Variants in KATNIP observed in about 807,000 individuals in gnomAD.
KATNIP encodes katanin interacting protein.
KATNIP carries 126 observed loss-of-function variants against 174.0 expected under a neutral mutation model. The observed-to-expected ratio is 0.72, with a 90% confidence interval of 0.63 to 0.84. The LOEUF is 0.84. Ranked by LOEUF, KATNIP falls within the 40% of genes least tolerant of loss-of-function variation. The pLI, the probability that KATNIP is intolerant of heterozygous loss-of-function variation, is 0.00. For synonymous variants in KATNIP, 810 were observed against 835.7 expected (o/e 0.97, Z 0.53); for missense variants, 1,958 against 2,109.7 (o/e 0.93, Z 1.41).
At chr16:27,741,625 G>A (rs183513561) in intron 15 of KATNIP, among the ~76,000 whole-genome samples, 30 of 151,620 alleles carry the variant, frequency 2.0e-4, no homozygotes, top group Non-Finnish European at 2.8e-4. Context: ...AGGCCAGGCC[G>A]GGCGCAATGG....
chr16:27,627,084 A>C (rs2076356680), intron 3 of KATNIP, among the ~76,000 whole-genome samples: 1 of 152,082 alleles, frequency 6.6e-6, no homozygotes, highest in Non-Finnish European at 1.5e-5. Flanking sequence ...ATTAAAACTG[A>C]TCTGTAACCC....
intron 6 of KATNIP, among the ~76,000 whole-genome samples, chr16:27,665,327 A>T (rs1471673283): frequency 1.3e-5 from 2 of 150,374 alleles, no homozygotes; most frequent in African/African-American, 2.4e-5. Context: ...CTAGTCTCGA[A>T]CTCCTGACCT....
Position 27,637,110 on chromosome 16 carries a change from C to G in KATNIP, c.408+5948C>G, listed in dbSNP as rs756316871. Among the ~76,000 whole-genome samples the G allele has an allele frequency of 1.2e-4, 19 of 152,156 alleles. No individual in the cohort carries two copies. Among genetic ancestry groups the G allele is most frequent in the Non-Finnish European group, 2.5e-4 (17 of 68,034 alleles). ...GGCAATTAATGAGGATCAGTGGGGT[C>G]TGTGTTTGGAGAGAAGCTGAAGCAG... On this transcript the variant is annotated intron_variant, in intron 5 of 27. Coordinates refer to ENST00000261588, the MANE Select transcript of KATNIP (RefSeq NM_015202.5). This position sits in a 1 kb window ranked among gnomAD's most constrained non-coding sequence, Gnocchi z 4.7.
chr16:27,741,038 C>T, intron 15 of KATNIP, 118 bp downstream of exon 15: 1 of 1,060,288 alleles, frequency 9.4e-7, no homozygotes. Flanking sequence ...TGGTTGTTCT[C>T]AACTAAGGGT....
intron 3 of KATNIP, among the ~76,000 whole-genome samples, chr16:27,619,003 C>T (rs1016082356): frequency 2.0e-5 from 3 of 152,166 alleles, no homozygotes; most frequent in African/African-American, 4.8e-5. Flanking sequence ...GCAGTAGGTC[C>T]AGTGTGTAGC....
At chr16:27,602,779 A>G (rs550273043) in intron 2 of KATNIP, among the ~76,000 whole-genome samples, 32 of 151,872 alleles carry the variant, frequency 2.1e-4, no homozygotes, top group African/African-American at 7.7e-4. Context: ...GCTCACTGCA[A>G]CCTCCTCCTC....
intron 15 of KATNIP, among the ~76,000 whole-genome samples, chr16:27,744,417 A>G (rs2081211635): frequency 1.3e-5 from 2 of 152,186 alleles, no homozygotes; most frequent in Non-Finnish European, 1.5e-5. Flanking sequence ...AGTCCCAGCT[A>G]TTCGGGAGGC....
At chr16:27,615,115 G>A (rs1159662625) in intron 2 of KATNIP, among the ~76,000 whole-genome samples, 2 of 152,096 alleles carry the variant, frequency 1.3e-5, no homozygotes, top group Non-Finnish European at 2.9e-5. Context: ...CAGATGCAGA[G>A]GAAGAGAATT....
intron 1 of KATNIP, among the ~76,000 whole-genome samples, chr16:27,570,698 C>T (rs894147012): frequency 6.6e-6 from 1 of 152,156 alleles, no homozygotes; most frequent in Non-Finnish European, 1.5e-5. Flanking sequence ...GGACATTGGG[C>T]TGGCGTCATC....
In KATNIP at chr16:27,552,686, GTTTTTTTTT is replaced by G. The variant is rs768836183; in HGVS notation, c.7+2525_7+2533del. On this transcript the variant is annotated intron_variant, in intron 1 of 27. Transcript: ENST00000261588. ...CACCATGCCTGGCCTGCAAGTGGCA[GTTTTTTTTT>G]TTTTTTTTTTTTTTTGAGACGGGAG... Among the ~76,000 whole-genome samples, 8 of 94,378 alleles carry G rather than the reference GTTTTTTTTT, an allele frequency of 8.5e-5. No homozygotes were observed. In the South Asian group the frequency reaches 2.6e-3, roughly 31 times the overall value. The allele number at this position is 94,378 out of a possible 152,430, so 61.9% of individuals were successfully genotyped here. A position where few individuals can be genotyped will look rare whatever the true frequency, so the allele number is the denominator to read the frequency against.
rs11440523 is a variant in KATNIP at position 27,663,152 on chromosome 16, C to CTTTT, written c.540+14438_540+14441dup. On this transcript the variant is annotated intron_variant, in intron 6 of 27. Coordinates refer to ENST00000261588, the MANE Select transcript of KATNIP (RefSeq NM_015202.5). ...TATTTTTTCTTTTTCTTTTCTTCTT[C>CTTTT]TTTTTTTTTTTTTTTTTTTTTTTTA... 5.4e-3 allele frequency among the ~76,000 whole-genome samples: 429 copies of CTTTT among 79,978 alleles called. 1 individual carries two copies. The highest frequency in any genetic ancestry group is 7.0e-3 in the Non-Finnish European group (281 of 40,352). 52.5% of individuals were successfully genotyped at this position (79,978 alleles called of 152,430 possible). A position where few individuals can be genotyped will look rare whatever the true frequency, so the allele number is the denominator to read the frequency against.
intron 2 of KATNIP, among the ~76,000 whole-genome samples, chr16:27,586,505 TC>T (rs1337858721): frequency 2.7e-5 from 4 of 150,462 alleles, no homozygotes; most frequent in African/African-American, 9.8e-5. Context: ...TGTGCCTTCC[TC>T]CCCACCACCA....
Position 27,648,617 on chromosome 16 carries a change from TC to T in KATNIP, c.423del (p.Arg142GlufsTer26). The T allele has an allele frequency of 1.2e-6, 2 of 1,614,192 alleles. No homozygotes were observed. Among genetic ancestry groups the T allele is most frequent in the Non-Finnish European group, 1.7e-6 (2 of 1,180,030 alleles). ...ATTTTTGTACAGAAATCTGTGCAGA[TC>T]AGAACAGAAGCTGGCCCACGGCTCC... Reference protein sequence around the residue: ...RRGWHQKSVQIRTEAGPRLHI... With the variant: ...RRGWHQKSVQXRTEAGPRLHI... On this transcript the variant is annotated frameshift_variant, in exon 6 of 28. Coordinates refer to ENST00000261588, the MANE Select transcript of KATNIP (RefSeq NM_015202.5). LOFTEE classifies it high-confidence loss of function.
chr16:27,730,372 T>C (rs916795425), intron 14 of KATNIP, among the ~76,000 whole-genome samples: 4 of 152,220 alleles, frequency 2.6e-5, no homozygotes, highest in Non-Finnish European at 4.4e-5. Flanking sequence ...CCTGGAAACT[T>C]GAGTGGAACT....
intron 18 of KATNIP, among the ~76,000 whole-genome samples, chr16:27,758,060 C>A (rs902053535): frequency 6.6e-6 from 1 of 152,036 alleles, no homozygotes; most frequent in Non-Finnish European, 1.5e-5. Flanking sequence ...GATATTAGCT[C>A]GAAAAGGAGA....
chr16:27,763,225 G>T lies in KATNIP; in HGVS notation c.3809+1635G>T, dbSNP rs150855022. Among the ~76,000 whole-genome samples, 1,176 of 151,710 alleles carry T rather than the reference G, an allele frequency of 7.8e-3. 16 individuals carry two copies. Among genetic ancestry groups the T allele is most frequent in the African/African-American group, 0.027 (1,113 of 41,318 alleles). On this transcript the variant is annotated intron_variant, in intron 19 of 27. Transcript: ENST00000261588. ...AGCTCCTTGGGAGGCTGAGGTAGGAGGATCACTTGAGTCCAGGAATTCAAG... is the reference window on the plus strand; with the variant it reads ...AGCTCCTTGGGAGGCTGAGGTAGGATGATCACTTGAGTCCAGGAATTCAAG...
At position 27,749,139 on chromosome 16, in the gene KATNIP, C is replaced by T. The variant is rs58362272; in HGVS notation, c.2624-445C>T. Among the ~76,000 whole-genome samples, 1,224 of 152,296 alleles carry T rather than the reference C, an allele frequency of 8.0e-3. 35 individuals are homozygous for T. In the East Asian group the frequency reaches 0.093, roughly 12 times the overall value. On this transcript the variant is annotated intron_variant, in intron 15 of 27. Transcript: ENST00000261588. The stretch of plus-strand genomic sequence containing the variant: ...TCATGTGAGTTTCTACAGTGGGGAG[C>T]GACTCCTGGCAAAGTTTCTAACACA...
intron 2 of KATNIP, among the ~76,000 whole-genome samples, chr16:27,617,114 C>T (rs552204086): frequency 1.4e-4 from 22 of 152,090 alleles, no homozygotes; most frequent in African/African-American, 4.8e-4. Flanking sequence ...ATAAATTATA[C>T]CAGAGATTAT....
chr16:27,677,520 T>C (rs2078165437), intron 6 of KATNIP, among the ~76,000 whole-genome samples: 1 of 150,414 alleles, frequency 6.6e-6, no homozygotes. Context: ...ACAGTTAATA[T>C]TAACAACATT....
Sources: allele counts gnomAD v4.1 joint callset (sites outside exome capture counted in the v4.1 genomes callset), GRCh38; gene constraint gnomAD v4.1.1; non-coding constraint Gnocchi (gnomAD v3.1); transcripts MANE v1.5; gene names NCBI Gene and HGNC (gene_info 2026-07-23, HGNC 2026-07-21).